Variants in RRAGB observed in about 807,000 individuals in gnomAD.
RRAGB encodes the protein ras-related GTP-binding protein B.
Under a neutral mutation model 29.3 loss-of-function variants are expected in RRAGB, and 6 were observed. The ratio of observed to expected loss-of-function variants is 0.21; its 90% CI spans 0.11 to 0.40. RRAGB has a LOEUF of 0.40. Among genes scored for constraint, RRAGB ranks in the 10% least tolerant of loss-of-function variants. RRAGB has a pLI of 1.00. For synonymous variants in RRAGB, 101 were observed against 92.5 expected (o/e 1.09, Z -0.53); for missense variants, 184 against 272.9 (o/e 0.67, Z 2.29).
chrX:55,744,404 A>AAAAAAAAAAAAAAG (rs2034179061), intron 5 of RRAGB, among the ~76,000 whole-genome samples: 1 of 103,634 alleles, frequency 9.6e-6, no homozygotes, highest in East Asian at 3.1e-4. Context: ...AAAAAAAAAA[A>AAAAAAAAAAAAAAG]GTAGTATAGC....
intron 5 of RRAGB, among the ~76,000 whole-genome samples, chrX:55,746,682 A>G (rs182374614): frequency 4.5e-5 from 5 of 112,024 alleles, no homozygotes. Flanking sequence ...AATGTCCCTA[A>G]AGCCTCTTTT....
At chrX:55,718,527 A>G in intron 1 of RRAGB, 108 bp downstream of exon 1, 2 of 482,126 alleles carry the variant, frequency 4.1e-6, no homozygotes, top group South Asian at 4.3e-5. Context: ...AATTGCTTTG[A>G]TTTACCAGTA....
intron 7 of RRAGB, chrX:55,755,640 T>C (rs2034639412): frequency 5.3e-6 from 4 of 750,175 alleles, no homozygotes; most frequent in Non-Finnish European, 6.3e-6. Context: ...CAAATGGTAC[T>C]AGATGGGCCA....
rs185821411 is a variant in RRAGB, at chrX:55,730,015, C to G, written c.293+655C>G. Among the ~76,000 whole-genome samples, 383 of 112,049 alleles carry G rather than the reference C, an allele frequency of 3.4e-3. 3 individuals are homozygous for G. The highest frequency in any genetic ancestry group is 0.012 in the African/African-American group (372 of 30,843). On this transcript the variant is annotated intron_variant, in intron 4 of 9. Coordinates refer to ENST00000374941, the MANE Select transcript of RRAGB (RefSeq NM_006064.5). ...TGTTATCTTGGGTAAATCATTTAAA[C>G]TCTCTGAGCCACAGTTTCTTCATCT... is the stretch of plus-strand genomic sequence containing the variant.
intron 5 of RRAGB, among the ~76,000 whole-genome samples, chrX:55,741,684 G>A (rs2034079422): frequency 9.0e-6 from 1 of 111,445 alleles, no homozygotes; most frequent in African/African-American, 3.3e-5. Context: ...ACACACACAC[G>A]CAGAGAGAGG....
rs1267339631 is a variant in RRAGB, at chrX:55,722,183, T to C, written c.127-3T>C. 4 of 1,150,450 alleles carry C rather than the reference T, an allele frequency of 3.5e-6. No individual in the cohort carries two copies. The highest frequency in any genetic ancestry group is 3.6e-6 in the Non-Finnish European group (3 of 844,187). The allele number at this position is 1,150,450 out of a possible 1,213,427, so 94.8% of individuals were successfully genotyped here. On this transcript the variant is annotated splice_polypyrimidine_tract_variant and splice_region_variant and intron_variant, in intron 2 of 9. Transcript: ENST00000374941. ...CCTTTCCTTTTCCCTACTTTGTCCT[T>C]AGGTGCTGTTGATGGGTAAAAGTGG...
At chrX:55,734,124 C>T (rs1022994158) in intron 5 of RRAGB, among the ~76,000 whole-genome samples, 18 of 109,406 alleles carry the variant, frequency 1.6e-4, no homozygotes, top group African/African-American at 4.3e-4. Flanking sequence ...CCACCACACC[C>T]AGCTAATTTT....
At position 55,731,344 on chromosome X, in the gene RRAGB, A is replaced by T; in HGVS notation, c.294-20A>T. ...ATTGAATTGAGGATTTGCTTACTAT[A>T]TATATATTTTTTCTATCAGGCAAGA... is the stretch of plus-strand genomic sequence containing the variant. On this transcript the variant is annotated intron_variant, in intron 4 of 9. Transcript: ENST00000374941. The T allele has an allele frequency of 8.9e-7, 1 of 1,119,148 alleles. No individual in the cohort carries two copies. Among genetic ancestry groups the T allele is most frequent in the Non-Finnish European group, 1.2e-6 (1 of 819,085 alleles). 92.2% of individuals were successfully genotyped at this position (1,119,148 alleles called of 1,213,427 possible).
At chrX:55,718,499 C>T in intron 1 of RRAGB, 80 bp downstream of exon 1, 1 of 541,724 alleles carries the variant, frequency 1.8e-6, no homozygotes, top group South Asian at 4.3e-5. Context: ...ACACTTCTCC[C>T]CACCCCGCAC....
chrX:55,748,713 C>A (rs1377247412), intron 5 of RRAGB, among the ~76,000 whole-genome samples: 1 of 111,896 alleles, frequency 8.9e-6, no homozygotes, highest in African/African-American at 3.2e-5. Context: ...CTCCGCCCGG[C>A]AGCCACCCCA....
intron 5 of RRAGB, among the ~76,000 whole-genome samples, chrX:55,739,161 C>T (rs982692440): frequency 3.5e-5 from 4 of 112,940 alleles, no homozygotes; most frequent in African/African-American, 1.3e-4. Context: ...GCAAAACCGC[C>T]CCAGGCCATA....
intron 4 of RRAGB, 25 bp from the exon 5 acceptor site, chrX:55,731,338 TA>T: frequency 9.1e-7 from 1 of 1,093,630 alleles, no homozygotes; most frequent in South Asian, 2.0e-5. Context: ...AGGATTTGCT[TA>T]CTATATATAT....
intron 3 of RRAGB, among the ~76,000 whole-genome samples, chrX:55,722,597 T>C (rs1185613483): frequency 8.9e-6 from 1 of 112,041 alleles, no homozygotes; most frequent in Non-Finnish European, 1.9e-5. Flanking sequence ...TTTTTAACTC[T>C]TATACAAAGG....
rs372461148 is a variant in RRAGB at position 55,757,683 on chromosome X, G to GA, written c.943+358dup. 2.7e-5 allele frequency among the ~76,000 whole-genome samples: 3 copies of GA among 111,764 alleles called. No homozygotes were observed. In the Admixed American group the frequency reaches 2.8e-4, roughly 11 times the overall value. The stretch of plus-strand genomic sequence containing the variant: ...AGTCACTAAATCCAAGAATTTTAAA[G>GA]AAAAAACCCAAATACATGATTTATG... On this transcript the variant is annotated intron_variant, in intron 9 of 9. Transcript: ENST00000374941.
chrX:55,747,583 A>G (rs1440626831), intron 5 of RRAGB, among the ~76,000 whole-genome samples: 2 of 111,876 alleles, frequency 1.8e-5, no homozygotes, highest in Admixed American at 9.4e-5. Context: ...TATTTTGACA[A>G]AAATGTTCGA....
chrX:55,718,444 C>G, intron 1 of RRAGB, 25 bp downstream of exon 1: 2 of 1,013,476 alleles, frequency 2.0e-6, no homozygotes, highest in South Asian at 2.2e-5. Flanking sequence ...TTTGTGAAAC[C>G]TGGAAGTGGG....
At chrX:55,737,879 C>A in intron 5 of RRAGB, among the ~76,000 whole-genome samples, 1 of 112,925 alleles carries the variant, frequency 8.9e-6, no homozygotes, top group Non-Finnish European at 1.9e-5. Flanking sequence ...ATGGCACCCA[C>A]TGCTATAGCT....
At chrX:55,754,215 G>T (rs2034599263) in intron 7 of RRAGB, among the ~76,000 whole-genome samples, 1 of 112,717 alleles carries the variant, frequency 8.9e-6, no homozygotes, top group South Asian at 3.7e-4. Context: ...ATGTAGAAGA[G>T]ATGTTATGGT....
chrX:55,748,802 C>T (rs1400855391), intron 5 of RRAGB, among the ~76,000 whole-genome samples: 2 of 105,930 alleles, frequency 1.9e-5, no homozygotes, highest in Admixed American at 1.9e-4. Context: ...CAGCCCCCCG[C>T]CTGGCCAGCT....
Sources: gnomAD v4.1 joint callset for allele counts (sites outside exome capture counted in the v4.1 genomes callset) on GRCh38, gnomAD v4.1.1 for gene constraint, MANE v1.5 for transcripts, NCBI Gene and HGNC (gene_info 2026-07-23, HGNC 2026-07-21) for gene names.